The following NSUN6 variants were observed in gnomAD, a reference collection of about 807,000 sequenced individuals.
The protein encoded by NSUN6 is tRNA (cytosine(72)-C(5))-methyltransferase NSUN6.
In NSUN6, 64 loss-of-function variants were observed where a neutral mutation model predicts 58.0. That is an observed-to-expected ratio of 1.10 (90% CI 0.90 to 1.36). The LOEUF (loss-of-function observed/expected upper bound fraction) is 1.36. Ranked by LOEUF, NSUN6 falls within the 40% of genes most tolerant of loss-of-function variation. The pLI is 0.00. For missense variants in NSUN6, 701 were observed against 550.1 expected (o/e 1.27, Z -2.74); for synonymous variants, 231 against 193.9 (o/e 1.19, Z -1.59).
intron 1 of NSUN6, among the ~76,000 whole-genome samples, chr10:18,650,407 C>T (rs1186869543): frequency 4.6e-5 from 7 of 152,216 alleles, no homozygotes; most frequent in Non-Finnish European, 8.8e-5. Context: ...CAAAACAATG[C>T]TAGTTGTATT....
At chr10:18,553,822 T>C (rs950453773) in intron 8 of NSUN6, among the ~76,000 whole-genome samples, 6 of 146,050 alleles carry the variant, frequency 4.1e-5, no homozygotes, top group Admixed American at 6.8e-5. Flanking sequence ...CAATGGAGAA[T>C]AGAGTAGAAT....
At chr10:18,584,279 C>A (rs1284356631) in intron 8 of NSUN6, among the ~76,000 whole-genome samples, 2 of 152,210 alleles carry the variant, frequency 1.3e-5, no homozygotes, top group Non-Finnish European at 2.9e-5. Flanking sequence ...GGGAGCCCTG[C>A]CCTCGTTCAC....
At chr10:18,626,899 T>A (rs1391931365) in intron 3 of NSUN6, among the ~76,000 whole-genome samples, 1 of 152,228 alleles carries the variant, frequency 6.6e-6, no homozygotes, top group Non-Finnish European at 1.5e-5. Context: ...AAAATTAATG[T>A]TCTGGCCTGC....
rs1477821790 is a variant in NSUN6, at chr10:18,651,494, A to G, written c.-291T>C. The stretch of plus-strand genomic sequence containing the variant: ...CACTCACGTTGCAAAGAACCAAAAA[A>G]AGAAAAAAATGCTTAGTAACTGAAT... On this transcript the variant is annotated 5_prime_UTR_variant, in exon 1 of 11. Coordinates refer to ENST00000377304, the MANE Select transcript of NSUN6 (RefSeq NM_182543.5). 1 of 1,095,532 alleles carries G rather than the reference A, an allele frequency of 9.1e-7. No individual in the cohort carries two copies. The highest frequency in any genetic ancestry group is 1.1e-6 in the Non-Finnish European group (1 of 902,168). 67.9% of individuals were successfully genotyped at this position (1,095,532 alleles called of 1,614,324 possible). A position where few individuals can be genotyped will look rare whatever the true frequency, so the allele number is the denominator to read the frequency against.
At chr10:18,558,571 G>C (rs1018641749) in intron 8 of NSUN6, among the ~76,000 whole-genome samples, 1 of 151,254 alleles carries the variant, frequency 6.6e-6, no homozygotes, top group Non-Finnish European at 1.5e-5. Flanking sequence ...TAATGGAGTG[G>C]AGAATGGAAT....
At chr10:18,586,768 C>T (rs1349585918) in intron 7 of NSUN6, among the ~76,000 whole-genome samples, 1 of 151,656 alleles carries the variant, frequency 6.6e-6, no homozygotes, top group East Asian at 1.9e-4. Context: ...GAAGGGGACC[C>T]TAGCGGCTTG....
intron 2 of NSUN6, among the ~76,000 whole-genome samples, chr10:18,647,283 C>G (rs1232322872): frequency 6.6e-6 from 1 of 152,152 alleles, no homozygotes; most frequent in Non-Finnish European, 1.5e-5. Flanking sequence ...ACCCTTTAAT[C>G]ATGGTTGCCT....
chr10:18,580,176 G>C (rs1462988480), intron 8 of NSUN6, among the ~76,000 whole-genome samples: 1 of 152,146 alleles, frequency 6.6e-6, no homozygotes, highest in Admixed American at 6.5e-5. Context: ...TGAAGCCTCT[G>C]GAAAATGTCC....
chr10:18,641,969 A>T (rs2059403624), intron 3 of NSUN6, among the ~76,000 whole-genome samples: 2 of 152,090 alleles, frequency 1.3e-5, no homozygotes, highest in South Asian at 4.1e-4. Context: ...TCAGAAGCTG[A>T]GGTGGTATAA....
intron 8 of NSUN6, among the ~76,000 whole-genome samples, chr10:18,566,451 A>C (rs1487052403): frequency 6.9e-6 from 1 of 145,090 alleles, no homozygotes; most frequent in Non-Finnish European, 1.5e-5. Flanking sequence ...AATCCATTCC[A>C]TTCTGCATTC....
Position 18,545,598 on chromosome 10 carries a change from T to G in NSUN6, c.*335A>C, listed in dbSNP as rs1346130671. 2.3e-5 allele frequency: 4 copies of G among 176,556 alleles called. No individual in the cohort carries two copies. Among genetic ancestry groups the G allele is most frequent in the African/African-American group, 7.1e-5 (3 of 42,032 alleles). 10.9% of individuals were successfully genotyped at this position (176,556 alleles called of 1,614,324 possible). A position where few individuals can be genotyped will look rare whatever the true frequency, so the allele number is the denominator to read the frequency against. ...AATTTATTCCTTTTGTTAGATTCAC[T>G]AATTTTTAACATTAAAAATGACTTG... On this transcript the variant is annotated 3_prime_UTR_variant, in exon 11 of 11. Transcript: ENST00000377304.
At chr10:18,602,264 G>A (rs2057873477) in intron 6 of NSUN6, among the ~76,000 whole-genome samples, 1 of 145,252 alleles carries the variant, frequency 6.9e-6, no homozygotes, top group Non-Finnish European at 1.5e-5. Context: ...TTTTTTTTGA[G>A]ACGGAGTCTT....
chr10:18,591,323 A>G (rs1469923517), intron 7 of NSUN6, among the ~76,000 whole-genome samples: 2 of 152,198 alleles, frequency 1.3e-5, no homozygotes, highest in Non-Finnish European at 2.9e-5. Flanking sequence ...AGCTGGCACC[A>G]TTCCTTCTGA....
intron 6 of NSUN6, among the ~76,000 whole-genome samples, chr10:18,600,965 T>TATATATATGTATATATATATATATATAC: frequency 1.9e-5 from 2 of 105,344 alleles, no homozygotes; most frequent in Non-Finnish European, 3.7e-5. Flanking sequence ...TATATACATA[T>TATATATATGTATATATATATATATATAC]ATATATATAT....
At chr10:18,603,299 G>A (rs1010388320) in intron 6 of NSUN6, among the ~76,000 whole-genome samples, 24 of 152,054 alleles carry the variant, frequency 1.6e-4, no homozygotes, top group Admixed American at 1.6e-3. Flanking sequence ...TAGACAGATG[G>A]TTTATTCATT....
In NSUN6 at chr10:18,561,159, G is replaced by GTA. The variant is rs537621764; in HGVS notation, c.923-9189_923-9188insTA. ...AATGGAATGTAGAATAGAATGGAAT[G>GTA]GAATACAGTGATAAATAGGCTAGAA... On this transcript the variant is annotated intron_variant, in intron 8 of 10. Coordinates refer to ENST00000377304, the MANE Select transcript of NSUN6 (RefSeq NM_182543.5). 4.4e-3 allele frequency among the ~76,000 whole-genome samples: 409 copies of GTA among 92,342 alleles called. 20 individuals carry two copies. The highest frequency in any genetic ancestry group is 5.9e-3 in the Non-Finnish European group (252 of 42,436). The allele number at this position is 92,342 out of a possible 152,430, so 60.6% of individuals were successfully genotyped here.
chr10:18,657,390 A>T (rs530378768), upstream of NSUN6, among the ~76,000 whole-genome samples: 4 of 152,328 alleles, frequency 2.6e-5, no homozygotes, highest in South Asian at 8.3e-4. Context: ...AAAGTAAGTT[A>T]AAAGTAAATT....
At chr10:18,622,586 C>G (rs1042316286) in intron 3 of NSUN6, among the ~76,000 whole-genome samples, 5 of 152,122 alleles carry the variant, frequency 3.3e-5, no homozygotes, top group Admixed American at 2.6e-4. Flanking sequence ...TGGTGGCAGA[C>G]GCCTGTAATT....
At chr10:18,624,647 C>CAACAAAAAAAA (rs1554880322) in intron 3 of NSUN6, among the ~76,000 whole-genome samples, 2 of 77,072 alleles carry the variant, frequency 2.6e-5, no homozygotes, top group Non-Finnish European at 4.7e-5. Context: ...GACTCTGTCT[C>CAACAAAAAAAA]AAAAAAAAAA....
Sources: gnomAD v4.1 joint callset for allele counts (sites outside exome capture counted in the v4.1 genomes callset) on GRCh38, gnomAD v4.1.1 for gene constraint, MANE v1.5 for transcripts, NCBI Gene and HGNC (gene_info 2026-07-23, HGNC 2026-07-21) for gene names.